The following CENATAC variants were observed in gnomAD, a reference collection of about 807,000 sequenced individuals.
CENATAC encodes the protein coiled-coil domain containing 84.
CENATAC carries 53 observed loss-of-function variants against 53.7 expected under a neutral mutation model. The observed-to-expected ratio is 0.99, with a 90% CI of 0.79 to 1.24. CENATAC has a LOEUF of 1.24. Ranked by LOEUF, CENATAC falls within the 50% of genes most tolerant of loss-of-function variation. The pLI, the probability that CENATAC is intolerant of heterozygous loss-of-function variation, is 0.00. For missense variants in CENATAC, 474 were observed against 417.8 expected (o/e 1.13, Z -1.17); for synonymous variants, 156 against 144.6 (o/e 1.08, Z -0.57).
At position 119,015,342 on chromosome 11, in the gene CENATAC, C is replaced by T. The variant is rs367702790; in HGVS notation, c.841C>T (p.Arg281Ter). The T allele has an allele frequency of 2.5e-5, 41 of 1,613,804 alleles. No individual in the cohort carries two copies. Among genetic ancestry groups the T allele is most frequent in the Non-Finnish European group, 3.0e-5 (35 of 1,179,950 alleles). The change falls in exon 10 of 11, where the codon CGA (arginine) becomes TGA (stop). Residue 281 changes from arginine to a stop codon, truncating the protein, a stop_gained. Coordinates refer to ENST00000334418, the MANE Select transcript of CENATAC (RefSeq NM_198489.3). LOFTEE classifies it high-confidence loss of function. ...KQKLKKLPPD[R>*]VGANFDHSSR... is the part of the protein sequence containing the mutation. The stretch of plus-strand genomic sequence containing the variant: ...GAAGTTGAAAAAACTCCCCCCAGAC[C>T]GAGTTGGGGCCAACTTTGATCACAG...
Position 119,011,279 on chromosome 11 carries a change from T to G in CENATAC, c.509T>G (p.Leu170Ter), listed in dbSNP as rs782271351. Residue 170 changes from leucine to a stop codon, truncating the protein, a stop_gained, in exon 5 of 11, where the codon TTA becomes TGA. Transcript: ENST00000334418. LOFTEE classifies it high-confidence loss of function. ...QSRQEVVRSVLEPQAVPDPEE... is the reference protein window; with the variant it reads ...QSRQEVVRSV ...CGACAGGAGGTGGTTCGGTCTGTCTTAGAGGTTGGTTTCCCTCGGAGGATC... is the reference window on the plus strand; with the variant it reads ...CGACAGGAGGTGGTTCGGTCTGTCTGAGAGGTTGGTTTCCCTCGGAGGATC... 3.1e-6 allele frequency: 5 copies of G among 1,614,082 alleles called. No homozygotes were observed. Among genetic ancestry groups the G allele is most frequent in the Admixed American group, 1.7e-5 (1 of 60,016 alleles).
chr11:119,002,109 A>G (rs1249389828), intron 3 of CENATAC, among the ~76,000 whole-genome samples: 1 of 151,212 alleles, frequency 6.6e-6, no homozygotes, highest in East Asian at 1.9e-4. Flanking sequence ...CTGTAATCCC[A>G]GCTACTCGGG....
intron 3 of CENATAC, among the ~76,000 whole-genome samples, chr11:119,008,511 G>T (rs1023601298): frequency 6.6e-6 from 1 of 152,130 alleles, no homozygotes; most frequent in Admixed American, 6.5e-5. Flanking sequence ...AACATGTCTC[G>T]CCTCCCGCCA....
intron 5 of CENATAC, 97 bp downstream of exon 5, chr11:119,011,380 C>T (rs1262149365): frequency 3.0e-5 from 29 of 954,514 alleles, no homozygotes; most frequent in East Asian, 9.6e-5. Flanking sequence ...TCTTCTTCTT[C>T]TTTTTTTTTT....
intron 3 of CENATAC, among the ~76,000 whole-genome samples, chr11:119,007,913 C>T (rs1054660455): frequency 2.0e-5 from 3 of 152,148 alleles, no homozygotes; most frequent in East Asian, 3.8e-4. Context: ...CTTACATAGA[C>T]AGTGAAAAGA....
Position 119,011,220 on chromosome 11 carries a change from G to A in CENATAC, c.451-1G>A, listed in dbSNP as rs782342988. ...CTGTCTAAGCAGCCTCTCTCCCACA[G>A]ATGGCAGCTCAGATCCGTGAGGTGG... is the stretch of plus-strand genomic sequence containing the variant. On this transcript the variant is annotated splice_acceptor_variant, in intron 4 of 10. Coordinates refer to ENST00000334418, the MANE Select transcript of CENATAC (RefSeq NM_198489.3). LOFTEE classifies it high-confidence loss of function. 1 of 1,613,734 alleles carries A rather than the reference G, an allele frequency of 6.2e-7. No individual in the cohort carries two copies. The highest frequency in any genetic ancestry group is 8.5e-7 in the Non-Finnish European group (1 of 1,179,816).
At chr11:119,013,166 T>C (rs1942953846) in intron 7 of CENATAC, 66 bp from the exon 8 acceptor site, 4 of 1,255,814 alleles carry the variant, frequency 3.2e-6, no homozygotes, top group Admixed American at 2.1e-5. Context: ...CTATCGTTTC[T>C]AGGATTTTTT....
intron 2 of CENATAC, 91 bp downstream of exon 2, chr11:118,998,684 G>T: frequency 6.9e-7 from 1 of 1,443,188 alleles, no homozygotes; most frequent in Non-Finnish European, 9.3e-7. Context: ...ACGCTTTTGT[G>T]ATTTGATCAA....
intron 3 of CENATAC, among the ~76,000 whole-genome samples, chr11:119,006,461 C>G (rs991831242): frequency 1.3e-5 from 2 of 152,200 alleles, no homozygotes; most frequent in Non-Finnish European, 2.9e-5. Flanking sequence ...TGGTCTTGAT[C>G]TCCTGACCTC....
intron 3 of CENATAC, chr11:119,010,537 A>G (rs150883066): frequency 7.5e-6 from 4 of 535,366 alleles, no homozygotes; most frequent in African/African-American, 5.7e-5. Flanking sequence ...TTTGACGTCT[A>G]AACCTATTTT....
chr11:118,999,212 C>T (rs1017278228), intron 3 of CENATAC, 103 bp downstream of exon 3: 4 of 808,402 alleles, frequency 4.9e-6, no homozygotes, highest in South Asian at 1.5e-5. Context: ...GAGGGACTTA[C>T]GAAGAATCTG....
chr11:119,009,279 A>C (rs1031611116), intron 3 of CENATAC, among the ~76,000 whole-genome samples: 8 of 152,094 alleles, frequency 5.3e-5, no homozygotes, highest in African/African-American at 1.9e-4. Flanking sequence ...GGCACCTGCC[A>C]CCACATCTGG....
chr11:118,999,222 G>C, intron 3 of CENATAC, 113 bp downstream of exon 3: 2 of 747,750 alleles, frequency 2.7e-6, no homozygotes, highest in Non-Finnish European at 4.6e-6. Context: ...CGAAGAATCT[G>C]CTGTCTTCAT....
chr11:118,998,580 G>C lies in CENATAC; in HGVS notation c.271G>C (p.Glu91Gln). The C allele has an allele frequency of 6.4e-7, 1 of 1,565,614 alleles. No homozygotes were observed. The highest frequency in any genetic ancestry group is 8.7e-7 in the Non-Finnish European group (1 of 1,154,406). Residue 91 changes from glutamate (E) to glutamine (Q), a missense_variant, in exon 2 of 11, where the codon GAG (glutamate) becomes CAG (glutamine). Coordinates refer to ENST00000334418, the MANE Select transcript of CENATAC (RefSeq NM_198489.3). Reference protein sequence around the residue: ...NLTVLYGGLLEHLASPEHKKA... With the variant: ...NLTVLYGGLLQHLASPEHKKA... ...GACGGTGCTGTACGGGGGGCTGCTG[G>C]AGCATCTGGCCAGGTGAGAGCCGAG...
intron 3 of CENATAC, among the ~76,000 whole-genome samples, chr11:118,999,878 C>G (rs1001923389): frequency 2.0e-5 from 3 of 152,138 alleles, no homozygotes; most frequent in East Asian, 1.9e-4. Flanking sequence ...TCCTGACCTC[C>G]TGATCCGCCC....
At chr11:119,002,224 C>CAAAAAAAAAAAAA (rs782664366) in intron 3 of CENATAC, among the ~76,000 whole-genome samples, 1 of 49,536 alleles carries the variant, frequency 2.0e-5, no homozygotes, top group Non-Finnish European at 3.8e-5. Context: ...AACTCTGTCT[C>CAAAAAAAAAAAAA]AAAAAAAAAA....
In CENATAC at chr11:119,012,146, C is replaced by T. The variant is rs369511504; in HGVS notation, c.579-3C>T. On this transcript the variant is annotated splice_polypyrimidine_tract_variant and splice_region_variant and intron_variant, in intron 6 of 10. Transcript: ENST00000334418. ...ATCTGGCAGCCTGGCTCATGTTTTT[C>T]AGCCAAGTAGCTTCCAGCTTACAGC... 2.5e-6 allele frequency: 4 copies of T among 1,614,166 alleles called. No homozygotes were observed. The highest frequency in any genetic ancestry group is 3.4e-6 in the Non-Finnish European group (4 of 1,180,022).
intron 3 of CENATAC, chr11:119,003,339 T>C (rs1391220880): frequency 1.9e-6 from 1 of 534,108 alleles, no homozygotes; most frequent in Non-Finnish European, 3.7e-6. Context: ...ACGCGGATCT[T>C]CTTTTTTTTG....
chr11:118,999,192 G>A, intron 3 of CENATAC, 83 bp downstream of exon 3: 1 of 1,025,500 alleles, frequency 9.8e-7, no homozygotes, highest in Non-Finnish European at 1.5e-6. Flanking sequence ...CTATTAACTG[G>A]AAAGTTCAGG....
Sources: allele counts gnomAD v4.1 joint callset (sites outside exome capture counted in the v4.1 genomes callset), GRCh38; gene constraint gnomAD v4.1.1; transcripts MANE v1.5; gene names NCBI Gene and HGNC (gene_info 2026-07-23, HGNC 2026-07-21).